PPARGC1A: variants seen among roughly 807,000 people sequenced by gnomAD.
PPARGC1A encodes peroxisome proliferator-activated receptor gamma coactivator 1-alpha.
In PPARGC1A, 25 loss-of-function variants were observed where a neutral mutation model predicts 88.7. That is an observed-to-expected ratio of 0.28 (90% confidence interval 0.21 to 0.39). PPARGC1A has a LOEUF of 0.39. Among genes scored for constraint, PPARGC1A ranks in the 10% least tolerant of loss-of-function variants. The pLI is 1.00. For missense variants in PPARGC1A, 880 were observed against 968.7 expected, an observed-to-expected ratio of 0.91 and a Z score of 1.22; for synonymous variants, 363 against 355.6, an observed-to-expected ratio of 1.02 and a Z score of -0.24.
the PPARGC1A span, among the ~76,000 whole-genome samples, chr4:24,217,209 T>C: frequency 6.6e-6 from 1 of 152,212 alleles, no homozygotes; most frequent in East Asian, 1.9e-4. Flanking sequence ...CACATTCATC[T>C]TCTGAAGAAA....
chr4:23,812,948 G>A (rs1188951277), intron 9 of PPARGC1A, 73 bp downstream of exon 9: 2 of 1,611,934 alleles, frequency 1.2e-6, no homozygotes, highest in Non-Finnish European at 8.5e-7. Context: ...GAGGGGTATA[G>A]GGTTTTGGAG....
At chr4:24,419,558 T>G in the PPARGC1A span, among the ~76,000 whole-genome samples, 1 of 151,316 alleles carries the variant, frequency 6.6e-6, no homozygotes, top group Non-Finnish European at 1.5e-5. Context: ...AGAACTTCCT[T>G]AATGCCACAG....
the PPARGC1A span, among the ~76,000 whole-genome samples, chr4:24,088,940 T>C: frequency 1.3e-4 from 20 of 152,332 alleles, no homozygotes; most frequent in East Asian, 5.8e-4. Flanking sequence ...TGAGCCTTGC[T>C]ATTTACATCT....
upstream of PPARGC1A, among the ~76,000 whole-genome samples, chr4:23,905,862 G>C (rs996611895): frequency 6.6e-6 from 1 of 152,126 alleles, no homozygotes; most frequent in African/African-American, 2.4e-5. Flanking sequence ...CAGAAAAATA[G>C]CATTTTTTGT....
the PPARGC1A span, among the ~76,000 whole-genome samples, chr4:24,149,490 G>T: frequency 6.6e-6 from 1 of 152,114 alleles, no homozygotes; most frequent in Non-Finnish European, 1.5e-5. Flanking sequence ...AGAAAGGCCT[G>T]TTGGATTGCC....
chr4:23,980,533 C>G, the PPARGC1A span, among the ~76,000 whole-genome samples: 1 of 152,016 alleles, frequency 6.6e-6, no homozygotes, highest in Non-Finnish European at 1.5e-5. Flanking sequence ...ACAAAAGTAC[C>G]CATTTGTGCA....
the PPARGC1A span, among the ~76,000 whole-genome samples, chr4:24,113,961 T>C: frequency 1.4e-3 from 217 of 151,910 alleles, 2 homozygotes; most frequent in African/African-American, 5.0e-3. Context: ...CCGTCTCTAC[T>C]AAAAACACAA....
chr4:24,107,007 T>G, the PPARGC1A span, among the ~76,000 whole-genome samples: 1 of 152,352 alleles, frequency 6.6e-6, no homozygotes, highest in East Asian at 1.9e-4. Context: ...TAGCTTCCTC[T>G]GGAAAAGCCA....
At chr4:24,140,321 G>A in the PPARGC1A span, among the ~76,000 whole-genome samples, 5 of 152,196 alleles carry the variant, frequency 3.3e-5, no homozygotes, top group Non-Finnish European at 7.3e-5. Context: ...GTTATATTCA[G>A]GAAAGCATTC....
the PPARGC1A span, among the ~76,000 whole-genome samples, chr4:24,093,247 T>C: frequency 1.3e-5 from 2 of 152,244 alleles, no homozygotes; most frequent in African/African-American, 4.8e-5. Context: ...CTTTCACTGA[T>C]GCAGTCTCAG....
At chr4:23,927,026 C>G in the PPARGC1A span, among the ~76,000 whole-genome samples, 2 of 152,162 alleles carry the variant, frequency 1.3e-5, no homozygotes, top group Non-Finnish European at 2.9e-5. Flanking sequence ...TCCAATAAAT[C>G]CATTGTAAGT....
chr4:24,394,644 G>A, the PPARGC1A span, among the ~76,000 whole-genome samples: 1 of 152,202 alleles, frequency 6.6e-6, no homozygotes, highest in South Asian at 2.1e-4. Flanking sequence ...TACCACGCTT[G>A]CACGCTGTAT....
the PPARGC1A span, among the ~76,000 whole-genome samples, chr4:24,304,055 G>A: frequency 3.3e-5 from 5 of 152,174 alleles, no homozygotes; most frequent in South Asian, 6.2e-4. Context: ...GGAGAATCTC[G>A]AAAGACAAGC....
At chr4:24,245,364 G>A in the PPARGC1A span, among the ~76,000 whole-genome samples, 18 of 152,292 alleles carry the variant, frequency 1.2e-4, no homozygotes, top group East Asian at 2.1e-3. Context: ...AGCCCACAGC[G>A]CAATATGACA....
the PPARGC1A span, among the ~76,000 whole-genome samples, chr4:24,423,812 G>A: frequency 6.6e-6 from 1 of 152,196 alleles, no homozygotes; most frequent in Admixed American, 6.5e-5. Context: ...CAACAGACCA[G>A]GGAAAAGTCA....
intron 2 of PPARGC1A, among the ~76,000 whole-genome samples, chr4:23,841,929 C>A (rs934306054): frequency 6.6e-6 from 1 of 152,028 alleles, no homozygotes; most frequent in African/African-American, 2.4e-5. Context: ...ATGGAAACCA[C>A]CCATTTAACC....
the PPARGC1A span, among the ~76,000 whole-genome samples, chr4:24,411,030 T>C: frequency 6.6e-6 from 1 of 152,200 alleles, no homozygotes; most frequent in Non-Finnish European, 1.5e-5. Context: ...CCTGAAATCA[T>C]ATATATGTTT....
chr4:24,393,293 G>T, the PPARGC1A span, among the ~76,000 whole-genome samples: 1 of 152,162 alleles, frequency 6.6e-6, no homozygotes, highest in Non-Finnish European at 1.5e-5. Context: ...TTGTGAACAT[G>T]AATTTCAATT....
chr4:24,405,478 G>A, the PPARGC1A span, among the ~76,000 whole-genome samples: 5 of 152,196 alleles, frequency 3.3e-5, no homozygotes, highest in Non-Finnish European at 5.9e-5. Context: ...AGCTGTGGTA[G>A]GCAGTGAATT....
Sources: gnomAD v4.1 joint callset for allele counts (sites outside exome capture counted in the v4.1 genomes callset) on GRCh38, gnomAD v4.1.1 for gene constraint, MANE v1.5 for transcripts, NCBI Gene and HGNC (gene_info 2026-07-23, HGNC 2026-07-21) for gene names.